The following KIF13B variants were observed in gnomAD, a reference collection of about 807,000 sequenced individuals.
The protein encoded by KIF13B is kinesin-like protein KIF13B.
In KIF13B, 127 loss-of-function variants were observed where a neutral mutation model predicts 222.0. The observed-to-expected ratio is 0.57, with a 90% CI of 0.50 to 0.66. The LOEUF (loss-of-function observed/expected upper bound fraction) is 0.66. Ranked by LOEUF, KIF13B falls within the 30% of genes least tolerant of loss-of-function variation. The probability of loss-of-function intolerance (pLI) is 0.00; values close to 1 mark genes in which losing one functional copy is unlikely to be tolerated. For missense variants in KIF13B, 2,173 were observed against 2,379.0 expected (o/e 0.91, Z 1.80); for synonymous variants, 976 against 919.0 (o/e 1.06, Z -1.12).
At chr8:29,151,176 C>T (rs1171111037) in intron 14 of KIF13B, among the ~76,000 whole-genome samples, 1 of 152,206 alleles carries the variant, frequency 6.6e-6, no homozygotes, top group Non-Finnish European at 1.5e-5. Context: ...ACAATATTCC[C>T]TCAACCAAAC....
chr8:29,238,324 C>T (rs1815604778), intron 2 of KIF13B, among the ~76,000 whole-genome samples: 2 of 152,200 alleles, frequency 1.3e-5, no homozygotes, highest in South Asian at 4.1e-4. Flanking sequence ...AGTGTATGGA[C>T]ATGGGTCAAA....
chr8:29,071,956 C>T lies in KIF13B; in HGVS notation c.4882G>A (p.Val1628Met), dbSNP rs1462893512. The part of the protein sequence containing the change: ...AEEPPGPQQL[V>M]SPGRERPDLE... The stretch of plus-strand genomic sequence containing the variant: ...TCGGGGCGCTCCCGACCGGGGCTCA[C>T]GAGCTGCTGGGGGCCAGGGGGCTCC... Residue 1628 changes from valine (V) to methionine (M), a missense_variant, in exon 39 of 40, where the codon GTG (valine) becomes ATG (methionine). Transcript: ENST00000524189. This position sits in a 1 kb window ranked among gnomAD's most constrained non-coding sequence, Gnocchi z 4.9. 2.9e-6 allele frequency: 4 copies of T among 1,356,020 alleles called. No homozygotes were observed. The South Asian group carries it at 5.0e-5, about 17-fold the overall frequency. The allele number at this position is 1,356,020 out of a possible 1,614,324, so 84.0% of individuals were successfully genotyped here. A position where few individuals can be genotyped will look rare whatever the true frequency, so the allele number is the denominator to read the frequency against.
chr8:29,157,203 A>G (rs1463400213), intron 13 of KIF13B, among the ~76,000 whole-genome samples: 1 of 151,496 alleles, frequency 6.6e-6, no homozygotes, highest in Non-Finnish European at 1.5e-5. Flanking sequence ...CTGTGTCTCC[A>G]TTGCATGCCA....
chr8:29,251,491 TATC>T (rs1163252242), intron 1 of KIF13B, among the ~76,000 whole-genome samples: 2 of 152,148 alleles, frequency 1.3e-5, no homozygotes, highest in Non-Finnish European at 2.9e-5. Context: ...ACCTTGAAGA[TATC>T]ATGCTAAGTG....
intron 1 of KIF13B, among the ~76,000 whole-genome samples, chr8:29,255,116 G>A (rs1457009525): frequency 6.6e-6 from 1 of 152,170 alleles, no homozygotes; most frequent in African/African-American, 2.4e-5. Flanking sequence ...TAGATTAGTG[G>A]TTGCCAGGGG....
intron 2 of KIF13B, among the ~76,000 whole-genome samples, chr8:29,217,425 C>CT (rs1458858934): frequency 1.3e-5 from 2 of 152,232 alleles, no homozygotes; most frequent in Admixed American, 1.3e-4. Context: ...AATCTAACTT[C>CT]TCCAGGCTTC....
chr8:29,210,367 T>C (rs752901957), intron 2 of KIF13B, among the ~76,000 whole-genome samples: 7 of 152,094 alleles, frequency 4.6e-5, no homozygotes, highest in Non-Finnish European at 7.4e-5. Context: ...TTTCTAGAAA[T>C]GACTTGAAGA....
chr8:29,157,438 C>A (rs898899639), intron 13 of KIF13B, among the ~76,000 whole-genome samples: 1 of 149,158 alleles, frequency 6.7e-6, no homozygotes, highest in Admixed American at 6.7e-5. Flanking sequence ...TGCGGTGGCT[C>A]ATACCTGTGA....
intron 2 of KIF13B, among the ~76,000 whole-genome samples, chr8:29,205,418 T>G (rs930387809): frequency 8.5e-5 from 13 of 152,126 alleles, no homozygotes; most frequent in African/African-American, 3.1e-4. Flanking sequence ...ATTCCTCCTA[T>G]TAAGAGAAAA....
At chr8:29,165,906 C>CGATTGTAGATCGAAGTACCTCG in intron 11 of KIF13B, 134 bp from the exon 12 acceptor site, 1 of 680,520 alleles carries the variant, frequency 1.5e-6, no homozygotes, top group South Asian at 1.9e-5. Flanking sequence ...ACATCTACTT[C>CGATTGTAGATCGAAGTACCTCG]GATTGTAGAT....
intron 35 of KIF13B, among the ~76,000 whole-genome samples, chr8:29,105,632 C>T (rs1487027353): frequency 4.2e-5 from 6 of 141,760 alleles, no homozygotes; most frequent in Non-Finnish European, 3.1e-5. Context: ...AATAAGGAAA[C>T]TGGGCAGAGT....
rs1808655228 is a variant in KIF13B, at chr8:29,098,712, G to A, written c.4324+421C>T. On this transcript the variant is annotated intron_variant, in intron 36 of 39. Coordinates refer to ENST00000524189, the MANE Select transcript of KIF13B (RefSeq NM_015254.4). ...AATTTCATGAAACATTTAAGGAAGAGGTAATACTAATCTTACATAAACTCT... is the reference window on the plus strand; with the variant it reads ...AATTTCATGAAACATTTAAGGAAGAAGTAATACTAATCTTACATAAACTCT... Among the ~76,000 whole-genome samples, 3 of 151,048 alleles carry A rather than the reference G, an allele frequency of 2.0e-5. No homozygotes were observed. The South Asian group carries it at 6.3e-4, about 32-fold the overall frequency.
chr8:29,149,398 A>G (rs1337051227), intron 15 of KIF13B, among the ~76,000 whole-genome samples: 1 of 152,218 alleles, frequency 6.6e-6, no homozygotes, highest in Non-Finnish European at 1.5e-5. Context: ...TCAGTATGAC[A>G]TCTGGAGCAC....
At chr8:29,181,448 T>G (rs1812707575) in intron 7 of KIF13B, among the ~76,000 whole-genome samples, 1 of 152,212 alleles carries the variant, frequency 6.6e-6, no homozygotes, top group African/African-American at 2.4e-5. Flanking sequence ...CAAATAACTC[T>G]GATACATTTT....
At chr8:29,196,333 A>G (rs1201019910) in intron 2 of KIF13B, 134 bp from the exon 3 acceptor site, 1 of 737,658 alleles carries the variant, frequency 1.4e-6, no homozygotes, top group South Asian at 1.8e-5. Context: ...AATATAAAAT[A>G]ATACCTTTGA....
intron 2 of KIF13B, among the ~76,000 whole-genome samples, chr8:29,220,790 T>G (rs1445519038): frequency 6.6e-6 from 1 of 152,102 alleles, no homozygotes; most frequent in Middle Eastern, 3.2e-3. Flanking sequence ...AGTAGAGAGA[T>G]AACGTTTAAG....
chr8:29,158,692 G>C (rs1811641124), intron 13 of KIF13B, among the ~76,000 whole-genome samples: 1 of 152,164 alleles, frequency 6.6e-6, no homozygotes, highest in South Asian at 2.1e-4. Flanking sequence ...TCATCCTTTT[G>C]AATGTGCTTT....
At chr8:29,209,146 A>C (rs1022548872) in intron 2 of KIF13B, among the ~76,000 whole-genome samples, 2 of 152,198 alleles carry the variant, frequency 1.3e-5, no homozygotes, top group African/African-American at 4.8e-5. Context: ...TTTCTACAAT[A>C]AGGTAACTTT....
chr8:29,170,100 A>G (rs1812172835), intron 10 of KIF13B, among the ~76,000 whole-genome samples: 1 of 152,232 alleles, frequency 6.6e-6, no homozygotes, highest in Non-Finnish European at 1.5e-5. Context: ...AATCACAACA[A>G]AAGAACTGGC....
Sources: allele counts gnomAD v4.1 joint callset (sites outside exome capture counted in the v4.1 genomes callset), GRCh38; gene constraint gnomAD v4.1.1; non-coding constraint Gnocchi (gnomAD v3.1); transcripts MANE v1.5; gene names NCBI Gene and HGNC (gene_info 2026-07-23, HGNC 2026-07-21).